Variants in COL21A1 observed in about 807,000 individuals in gnomAD.
COL21A1 encodes collagen type XXI alpha 1 chain, also known as collagen alpha-1(XXI) chain.
COL21A1 carries 149 observed loss-of-function variants against 137.9 expected under a neutral mutation model. The observed-to-expected ratio is 1.08, with a 90% CI of 0.95 to 1.24. COL21A1 has a LOEUF of 1.24. Among genes scored for constraint, COL21A1 ranks in the 50% most tolerant of loss-of-function variants. The pLI is 0.00. For synonymous variants in COL21A1, 456 were observed against 391.5 expected (o/e 1.16, Z -1.95); for missense variants, 1,167 against 1,158.4 (o/e 1.01, Z -0.11).
At chr6:56,320,136 A>AT (rs1764830602) in intron 1 of COL21A1, among the ~76,000 whole-genome samples, 1 of 152,122 alleles carries the variant, frequency 6.6e-6, no homozygotes, top group Non-Finnish European at 1.5e-5. Flanking sequence ...TGTCTCACAT[A>AT]ATCTTATATA....
At position 56,166,979 on chromosome 6, in the gene COL21A1, T is replaced by A; in HGVS notation, c.1205A>T (p.Asp402Val). 1 of 1,609,708 alleles carries A rather than the reference T, an allele frequency of 6.2e-7. No homozygotes were observed. Among genetic ancestry groups the A allele is most frequent in the Non-Finnish European group, 8.5e-7 (1 of 1,177,518 alleles). ...ACAGTAGATTCGCAACTTTTGGACA[T>A]CAAACTAAGAACATAAACCCAGTAG... ...YSGKEETVQF[D>V]VQKLRIYCDP... Residue 402 changes from aspartate (D) to valine (V), a missense_variant, in exon 7 of 30, where the codon GAT becomes GTT. Coordinates refer to ENST00000244728, the MANE Select transcript of COL21A1 (RefSeq NM_030820.4).
intron 1 of COL21A1, among the ~76,000 whole-genome samples, chr6:56,197,419 G>A (rs547336889): frequency 1.3e-5 from 2 of 152,112 alleles, no homozygotes; most frequent in Non-Finnish European, 2.9e-5. Flanking sequence ...GAAATAAAAA[G>A]GTAATCTACA....
chr6:56,325,927 T>TATAA (rs1443035255), intron 1 of COL21A1, among the ~76,000 whole-genome samples: 1,485 of 26,734 alleles, frequency 0.056, 174 homozygotes, highest in Non-Finnish European at 0.071. Context: ...TTATATAATA[T>TATAA]ATATAATATA....
intron 1 of COL21A1, among the ~76,000 whole-genome samples, chr6:56,370,735 T>A (rs766024214): frequency 4.6e-5 from 7 of 152,170 alleles, no homozygotes; most frequent in Non-Finnish European, 8.8e-5. Flanking sequence ...TCTCTAATAT[T>A]TCTTCACATC....
rs182625732 is a variant in COL21A1, at chr6:56,237,473, A to C, written c.-39+9914T>G. Among the ~76,000 whole-genome samples the C allele has an allele frequency of 1.7e-4, 26 of 152,278 alleles. 1 individual carries two copies. The highest frequency in any genetic ancestry group is 1.6e-3 in the Admixed American group (25 of 15,290). ...TTTAAATTAAGTCATTAGTGTTCAA[A>C]TCAAGTTTGAAAATGTAAAAATATA... On this transcript the variant is annotated intron_variant, in intron 1 of 29. Coordinates refer to ENST00000244728, the MANE Select transcript of COL21A1 (RefSeq NM_030820.4).
chr6:56,164,599 A>G, intron 8 of COL21A1, 93 bp from the exon 9 acceptor site: 1 of 1,015,102 alleles, frequency 9.9e-7, no homozygotes, highest in Non-Finnish European at 1.5e-6. Flanking sequence ...TTTGTGTAAA[A>G]TGGCAAAAAT....
intron 17 of COL21A1, among the ~76,000 whole-genome samples, chr6:56,097,436 C>T (rs1769437751): frequency 6.6e-6 from 1 of 151,992 alleles, no homozygotes; most frequent in African/African-American, 2.4e-5. Context: ...TCTATCTCCC[C>T]AACTAGGCTG....
chr6:56,166,666 CACA>C (rs1408286746), intron 7 of COL21A1: 1 of 581,880 alleles, frequency 1.7e-6, no homozygotes, highest in African/African-American at 1.9e-5. Flanking sequence ...CAAAACAAAA[CACA>C]ACAAGAAAAC....
At chr6:56,156,607 A>T (rs1313309543) in intron 10 of COL21A1, among the ~76,000 whole-genome samples, 1 of 151,348 alleles carries the variant, frequency 6.6e-6, no homozygotes, top group South Asian at 2.1e-4. Context: ...TGGCCTGATC[A>T]CAGAGGAAAA....
intron 1 of COL21A1, among the ~76,000 whole-genome samples, chr6:56,351,132 G>A (rs4715617): frequency 0.36 from 54,272 of 152,110 alleles, 10,492 homozygotes; most frequent in East Asian, 0.72. Context: ...TAGGCTCTAA[G>A]CAAATAATAA....
intron 1 of COL21A1, among the ~76,000 whole-genome samples, chr6:56,351,299 G>C (rs538606894): frequency 1.3e-5 from 2 of 152,332 alleles, no homozygotes; most frequent in South Asian, 4.1e-4. Context: ...ATGCTGAGAG[G>C]GATACAGAAA....
At chr6:56,384,988 G>C (rs868546736) in intron 1 of COL21A1, among the ~76,000 whole-genome samples, 1 of 152,334 alleles carries the variant, frequency 6.6e-6, no homozygotes. Context: ...CACTGAGGAA[G>C]GAAACTTAAC....
intron 3 of COL21A1, among the ~76,000 whole-genome samples, chr6:56,176,641 G>A (rs1370105126): frequency 6.8e-6 from 1 of 146,470 alleles, no homozygotes; most frequent in African/African-American, 2.5e-5. Flanking sequence ...GGGAGGGGGG[G>A]AAGGAGGAAG....
intron 17 of COL21A1, among the ~76,000 whole-genome samples, chr6:56,083,477 T>C (rs1226570775): frequency 6.6e-6 from 1 of 151,986 alleles, no homozygotes; most frequent in African/African-American, 2.4e-5. Context: ...TAATCTGGAA[T>C]AAAATTTCCA....
chr6:56,247,104 C>T (rs952529442), intron 1 of COL21A1, among the ~76,000 whole-genome samples: 2 of 152,164 alleles, frequency 1.3e-5, no homozygotes, highest in African/African-American at 4.8e-5. Flanking sequence ...AATCAACGCA[C>T]GTTATCGTAC....
At chr6:56,168,322 T>C (rs773017278) in intron 5 of COL21A1, 25 bp from the exon 6 acceptor site, 1 of 1,499,432 alleles carries the variant, frequency 6.7e-7, no homozygotes, top group Non-Finnish European at 9.0e-7. Context: ...TGTGGAAGAT[T>C]CATAAATAAA....
intron 1 of COL21A1, among the ~76,000 whole-genome samples, chr6:56,372,585 C>T (rs1441517410): frequency 1.3e-5 from 2 of 152,174 alleles, no homozygotes; most frequent in Admixed American, 6.5e-5. Flanking sequence ...GTGACAGACG[C>T]TCAACTCATA....
intron 1 of COL21A1, among the ~76,000 whole-genome samples, chr6:56,193,307 T>A (rs550619447): frequency 6.6e-6 from 1 of 152,004 alleles, no homozygotes; most frequent in Non-Finnish European, 1.5e-5. Flanking sequence ...ACTTAAAGTA[T>A]AATAAAAAAT....
intron 16 of COL21A1, among the ~76,000 whole-genome samples, chr6:56,107,110 T>C (rs1771005822): frequency 6.6e-6 from 1 of 151,998 alleles, no homozygotes; most frequent in South Asian, 2.1e-4. Flanking sequence ...AGTTAAAAAA[T>C]TCAGAATAAA....
Sources: allele counts gnomAD v4.1 joint callset (sites outside exome capture counted in the v4.1 genomes callset), GRCh38; gene constraint gnomAD v4.1.1; transcripts MANE v1.5; gene names NCBI Gene and HGNC (gene_info 2026-07-23, HGNC 2026-07-21).